SHANK2: variants seen among roughly 807,000 people sequenced by gnomAD.
SHANK2 encodes the protein SH3 and multiple ankyrin repeat domains protein 2.
Under a neutral mutation model 133.7 loss-of-function variants are expected in SHANK2, and 43 were observed. That is an observed-to-expected ratio of 0.32 (90% CI 0.25 to 0.41). The LOEUF (loss-of-function observed/expected upper bound fraction) is 0.41. SHANK2 is among the 10% of genes least tolerant of loss of function. The pLI is 1.00. For synonymous variants in SHANK2, 1,017 were observed against 952.8 expected (o/e 1.07, Z -1.24); for missense variants, 1,994 against 2,235.8 (o/e 0.89, Z 2.18).
chr11:70,585,613 ATCCATC>A (rs1215906566), intron 17 of SHANK2, among the ~76,000 whole-genome samples: 1 of 149,666 alleles, frequency 6.7e-6, no homozygotes. Flanking sequence ...TCACCCATCC[ATCCATC>A]TCTCTTTTCA....
At position 70,501,930 on chromosome 11, in the gene SHANK2, C is replaced by CACTA; in HGVS notation, c.2279-3_2279dup (p.Asp761SerfsTer3). ...CCCAGTGGGGCTGCTTACCTTTATC[C>CACTA]ACTAGTGAGAGGCCCAAAAATTCAA... On this transcript the variant is annotated frameshift_variant and splice_region_variant, in exon 20 of 26. Coordinates refer to ENST00000601538, the MANE Select transcript of SHANK2 (RefSeq NM_012309.5). LOFTEE classifies it high-confidence loss of function. The CACTA allele has an allele frequency of 6.4e-7, 1 of 1,559,494 alleles. No homozygotes were observed. The highest frequency in any genetic ancestry group is 8.7e-7 in the Non-Finnish European group (1 of 1,150,974).
At chr11:70,689,040 C>G (rs568940439) in intron 15 of SHANK2, among the ~76,000 whole-genome samples, 1 of 152,314 alleles carries the variant, frequency 6.6e-6, no homozygotes, top group Admixed American at 6.5e-5. Flanking sequence ...ACCTGAGGAA[C>G]GTGCAGTTCA....
At chr11:71,085,577 A>C (rs1951370956) in intron 8 of SHANK2, among the ~76,000 whole-genome samples, 1 of 54,180 alleles carries the variant, frequency 1.8e-5, no homozygotes, top group Non-Finnish European at 3.3e-5. Context: ...AATATATATT[A>C]TATAATATAT....
At chr11:70,560,170 C>A (rs2059889310) in intron 17 of SHANK2, among the ~76,000 whole-genome samples, 1 of 152,166 alleles carries the variant, frequency 6.6e-6, no homozygotes, top group Admixed American at 6.5e-5. Context: ...CCGTGCTCGG[C>A]TTGGGGTTGT....
At chr11:70,565,588 T>C (rs981737839) in intron 17 of SHANK2, among the ~76,000 whole-genome samples, 1 of 152,154 alleles carries the variant, frequency 6.6e-6, no homozygotes, top group African/African-American at 2.4e-5. Context: ...TCTGCCTGAG[T>C]TCCCTCTCCC....
intron 9 of SHANK2, among the ~76,000 whole-genome samples, chr11:71,058,113 T>C (rs1416144866): frequency 6.6e-6 from 1 of 152,010 alleles, no homozygotes; most frequent in African/African-American, 2.4e-5. Context: ...TAGGCTGGTC[T>C]CAAACTCCTG....
chr11:71,088,845 T>C (rs1325494042), intron 8 of SHANK2, among the ~76,000 whole-genome samples: 1 of 148,404 alleles, frequency 6.7e-6, no homozygotes, highest in Non-Finnish European at 1.5e-5. Context: ...TGTGGGTGAC[T>C]GCACCACCCC....
At chr11:71,124,191 ATGG>A in intron 3 of SHANK2, among the ~76,000 whole-genome samples, 1 of 79,268 alleles carries the variant, frequency 1.3e-5, no homozygotes, top group African/African-American at 5.7e-5. Flanking sequence ...GATGATGGTG[ATGG>A]TGATGATGGT....
chr11:71,208,021 C>G (rs1470065409), intron 2 of SHANK2, among the ~76,000 whole-genome samples: 1 of 152,056 alleles, frequency 6.6e-6, no homozygotes, highest in Non-Finnish European at 1.5e-5. Flanking sequence ...AGTCTGAGGG[C>G]TCCCAAGAAA....
intron 2 of SHANK2, among the ~76,000 whole-genome samples, chr11:71,201,718 C>T (rs182240734): frequency 5.5e-4 from 84 of 152,318 alleles, no homozygotes; most frequent in Non-Finnish European, 1.0e-3. Context: ...GACTTGTCCA[C>T]GCCCAGCACA....
intron 10 of SHANK2, among the ~76,000 whole-genome samples, chr11:70,905,070 G>A (rs980877171): frequency 1.3e-5 from 2 of 152,192 alleles, no homozygotes; most frequent in Non-Finnish European, 2.9e-5. Context: ...TCAGGATGGT[G>A]GAAGGTGGAG....
intron 14 of SHANK2, among the ~76,000 whole-genome samples, chr11:70,712,782 A>G (rs907207006): frequency 2.0e-5 from 3 of 152,138 alleles, no homozygotes; most frequent in Non-Finnish European, 4.4e-5. Context: ...TCTGCACCAC[A>G]TGCTCAGGGG....
At chr11:71,058,572 T>G (rs1950948661) in intron 9 of SHANK2, among the ~76,000 whole-genome samples, 3 of 152,246 alleles carry the variant, frequency 2.0e-5, no homozygotes, top group Admixed American at 2.0e-4. Flanking sequence ...GGGCTGGTGC[T>G]TGTGCCTCGG....
chr11:70,527,784 A>C (rs1448970793), intron 17 of SHANK2, among the ~76,000 whole-genome samples: 1 of 152,206 alleles, frequency 6.6e-6, no homozygotes, highest in Non-Finnish European at 1.5e-5. Context: ...ACTCTCCTTC[A>C]GGAGGCTAGG....
chr11:71,112,619 G>C (rs1012753696), intron 5 of SHANK2, among the ~76,000 whole-genome samples: 1 of 152,136 alleles, frequency 6.6e-6, no homozygotes, highest in Non-Finnish European at 1.5e-5. Context: ...CTTAGGAACA[G>C]CACCAGGGGC....
At chr11:70,791,447 CTGATGCATGCAAAGAAG>C (rs761800643) in intron 14 of SHANK2, among the ~76,000 whole-genome samples, 2 of 152,332 alleles carry the variant, frequency 1.3e-5, no homozygotes, top group Middle Eastern at 3.4e-3. Flanking sequence ...GGTCTCTGGG[CTGATGCATGCAAAGAAG>C]TGAGATTTTA....
At chr11:70,944,336 G>A (rs577640349) in intron 10 of SHANK2, among the ~76,000 whole-genome samples, 2 of 152,280 alleles carry the variant, frequency 1.3e-5, no homozygotes, top group East Asian at 1.9e-4. Context: ...GGCCCGGCCC[G>A]GCCTCTGCCC....
intron 17 of SHANK2, among the ~76,000 whole-genome samples, chr11:70,606,319 A>T (rs1474447079): frequency 6.6e-6 from 1 of 152,154 alleles, no homozygotes; most frequent in East Asian, 1.9e-4. Context: ...TGGGAGGCTG[A>T]GGTGGGAGGA....
At chr11:70,946,910 T>C (rs1950751938) in intron 10 of SHANK2, among the ~76,000 whole-genome samples, 2 of 93,028 alleles carry the variant, frequency 2.1e-5, no homozygotes, top group Non-Finnish European at 4.2e-5. Context: ...TAACCAACTC[T>C]TCCCCAGGCT....
Sources: allele counts gnomAD v4.1 joint callset (sites outside exome capture counted in the v4.1 genomes callset), GRCh38; gene constraint gnomAD v4.1.1; transcripts MANE v1.5; gene names NCBI Gene and HGNC (gene_info 2026-07-23, HGNC 2026-07-21).